SSBP3: variants seen among roughly 807,000 people sequenced by gnomAD.
SSBP3 encodes single stranded DNA binding protein 3.
A neutral mutation model predicts 69.6 loss-of-function variants in SSBP3; 5 were observed. That is an observed-to-expected ratio of 0.07 (90% CI 0.04 to 0.15). SSBP3 has a LOEUF of 0.15. SSBP3 is among the 10% of genes least tolerant of loss of function. The pLI is 1.00. For missense variants in SSBP3, 312 were observed against 534.0 expected, an observed-to-expected ratio of 0.58 and a Z score of 4.10; for synonymous variants, 196 against 193.4, an observed-to-expected ratio of 1.01 and a Z score of -0.11.
intron 4 of SSBP3, among the ~76,000 whole-genome samples, chr1:54,292,387 C>A (rs1200622620): frequency 6.6e-6 from 1 of 152,206 alleles, no homozygotes; most frequent in Non-Finnish European, 1.5e-5. Flanking sequence ...CTTCTCAGAG[C>A]CCCAGATGCC....
chr1:54,299,592 G>C (rs1419907054), intron 4 of SSBP3, among the ~76,000 whole-genome samples: 1 of 152,046 alleles, frequency 6.6e-6, no homozygotes, highest in Non-Finnish European at 1.5e-5. Context: ...CAAATTATTA[G>C]GAAAATGAGA....
chr1:54,329,378 G>A (rs1259509080), intron 4 of SSBP3, among the ~76,000 whole-genome samples: 1 of 152,236 alleles, frequency 6.6e-6, no homozygotes, highest in Non-Finnish European at 1.5e-5. Flanking sequence ...TTAGATCAGG[G>A]ACAAAACCTC....
chr1:54,257,099 G>C (rs374408467), intron 7 of SSBP3, 28 bp downstream of exon 7: 36 of 1,592,574 alleles, frequency 2.3e-5, no homozygotes, highest in Non-Finnish European at 3.0e-5. Flanking sequence ...CTGAGGGAGG[G>C]GAGAGAGAAC....
At chr1:54,354,429 A>C (rs1646831061) in intron 4 of SSBP3, among the ~76,000 whole-genome samples, 1 of 152,064 alleles carries the variant, frequency 6.6e-6, no homozygotes, top group Non-Finnish European at 1.5e-5. Flanking sequence ...CGAGAACTAC[A>C]GGAGAGACAC....
chr1:54,407,635 C>G (rs1037438380), upstream of SSBP3, among the ~76,000 whole-genome samples: 2 of 151,992 alleles, frequency 1.3e-5, no homozygotes, highest in African/African-American at 2.4e-5. Context: ...TGTGATAAAA[C>G]ACTGTCGGCA....
chr1:54,253,844 T>C (rs976952283), intron 7 of SSBP3, among the ~76,000 whole-genome samples: 4 of 152,206 alleles, frequency 2.6e-5, no homozygotes, highest in Non-Finnish European at 4.4e-5. Context: ...AGTCACTCTC[T>C]CCAGGTAGCC....
At chr1:54,316,369 G>A (rs1487118280) in intron 4 of SSBP3, among the ~76,000 whole-genome samples, 9 of 148,350 alleles carry the variant, frequency 6.1e-5, no homozygotes, top group Non-Finnish European at 7.4e-5. Context: ...GCCGGGCGCG[G>A]TGGCTCACGC....
chr1:54,270,001 T>TGGGCA (rs1216347739), intron 5 of SSBP3, among the ~76,000 whole-genome samples: 4 of 152,188 alleles, frequency 2.6e-5, no homozygotes, highest in African/African-American at 9.7e-5. Flanking sequence ...ACAGCGGGGC[T>TGGGCA]GGGCAGAAAG....
chr1:54,251,853 C>T, exon 8 of SSBP3: 1 of 1,611,576 alleles, frequency 6.2e-7, no homozygotes, highest in Non-Finnish European at 8.5e-7. Context: ...AGGAACTCCT[C>T]CCGGAGGCTG....
chr1:54,278,675 T>C (rs995551865), intron 5 of SSBP3, among the ~76,000 whole-genome samples: 5 of 152,186 alleles, frequency 3.3e-5, no homozygotes, highest in African/African-American at 1.2e-4. Context: ...AGTCCTGACC[T>C]GAAAACTGGG....
chr1:54,289,039 A>AAAAC (rs1645552865), intron 4 of SSBP3, among the ~76,000 whole-genome samples: 1 of 53,610 alleles, frequency 1.9e-5, no homozygotes, highest in African/African-American at 1.3e-4. Context: ...AAAAAAAACA[A>AAAAC]AAAAACAAAA....
At chr1:54,361,767 T>G (rs989461040) in intron 4 of SSBP3, among the ~76,000 whole-genome samples, 1 of 152,088 alleles carries the variant, frequency 6.6e-6, no homozygotes, top group Non-Finnish European at 1.5e-5. Context: ...AAGTGGCCTT[T>G]CCAGACATGC....
chr1:54,227,545 A>T (rs764144245), intron 17 of SSBP3, among the ~76,000 whole-genome samples: 10 of 152,074 alleles, frequency 6.6e-5, no homozygotes, highest in Non-Finnish European at 1.2e-4. Flanking sequence ...GAGCACAGCC[A>T]GGGTGCCCTG....
At chr1:54,238,850 C>T in intron 14 of SSBP3, 1 of 406,722 alleles carries the variant, frequency 2.5e-6, no homozygotes, top group South Asian at 2.2e-5. Context: ...GCGCTTCCCC[C>T]ACCAGCACGG....
rs1377557047 is a variant in SSBP3, at chr1:54,310,851, T to G, written c.277-29324A>C. Among the ~76,000 whole-genome samples, 4 of 152,168 alleles carry G rather than the reference T, an allele frequency of 2.6e-5. No individual in the cohort carries two copies. The East Asian group carries it at 7.7e-4, about 29-fold the overall frequency. ...GATGGGGGGAGAACCACCCCCGCTT[T>G]ATGCAGTGAGGGAGCTGAGCTGACT... is the stretch of plus-strand genomic sequence containing the variant. On this transcript the variant is annotated intron_variant, in intron 4 of 17. Coordinates refer to ENST00000610401, the Ensembl canonical transcript of SSBP3.
intron 14 of SSBP3, chr1:54,238,419 G>C (rs982274970): frequency 9.3e-6 from 4 of 429,954 alleles, no homozygotes; most frequent in African/African-American, 8.2e-5. Context: ...CTGCATGGAG[G>C]AGGAAGGGAA....
At chr1:54,287,659 G>A (rs1410847223) in intron 4 of SSBP3, among the ~76,000 whole-genome samples, 1 of 152,050 alleles carries the variant, frequency 6.6e-6, no homozygotes, top group Non-Finnish European at 1.5e-5. Context: ...GGTCCCTCTG[G>A]GGCCAGGTTT....
upstream of SSBP3, among the ~76,000 whole-genome samples, chr1:54,407,853 A>C (rs1239527615): frequency 2.0e-5 from 3 of 149,694 alleles, no homozygotes; most frequent in Non-Finnish European, 3.0e-5. Flanking sequence ...AGGATAGGTC[A>C]GTGTCCTGGG....
chr1:54,370,455 G>A (rs193045744), intron 4 of SSBP3, among the ~76,000 whole-genome samples: 186 of 152,318 alleles, frequency 1.2e-3, no homozygotes, highest in South Asian at 2.7e-3. Flanking sequence ...TGTCTGACAC[G>A]AGCAAGGGAG....
Sources: allele counts gnomAD v4.1 joint callset (sites outside exome capture counted in the v4.1 genomes callset), GRCh38; gene constraint gnomAD v4.1.1; transcripts MANE v1.5; gene names NCBI Gene and HGNC (gene_info 2026-07-23, HGNC 2026-07-21).